RSBN1: variants seen among roughly 807,000 people sequenced by gnomAD.
RSBN1 encodes the protein round spermatid basic protein 1.
A neutral mutation model predicts 74.8 loss-of-function variants in RSBN1; 23 were observed. The observed-to-expected ratio is 0.31, with a 90% confidence interval of 0.22 to 0.44. RSBN1 has a LOEUF of 0.44. RSBN1 is among the 20% of genes least tolerant of loss of function. The pLI is 1.00. For synonymous variants in RSBN1, 407 were observed against 379.6 expected, an observed-to-expected ratio of 1.07 and a Z score of -0.84; for missense variants, 808 against 1,020.9, an observed-to-expected ratio of 0.79 and a Z score of 2.84.
intron 4 of RSBN1, among the ~76,000 whole-genome samples, chr1:113,771,496 A>T (rs1006503283): frequency 1.3e-5 from 2 of 151,910 alleles, no homozygotes; most frequent in African/African-American, 4.8e-5. Context: ...TCCAAAAGAT[A>T]TCCACATAAA....
chr1:113,801,275 G>A (rs1038438673), intron 1 of RSBN1, among the ~76,000 whole-genome samples: 3 of 152,132 alleles, frequency 2.0e-5, no homozygotes, highest in East Asian at 1.9e-4. Flanking sequence ...GAGCCACGAC[G>A]CCCGGCCTCA....
intron 2 of RSBN1, among the ~76,000 whole-genome samples, chr1:113,791,952 T>C (rs1054724658): frequency 5.3e-5 from 8 of 152,130 alleles, no homozygotes; most frequent in Admixed American, 5.2e-4. Flanking sequence ...AACAAGCCCA[T>C]ATAAGGCCTT....
At chr1:113,807,204 C>G (rs917459127) in intron 1 of RSBN1, among the ~76,000 whole-genome samples, 4 of 151,550 alleles carry the variant, frequency 2.6e-5, no homozygotes, top group African/African-American at 9.7e-5. Flanking sequence ...ATCACAGCTA[C>G]TCGGGAGGCT....
rs1659718596 is a variant in RSBN1, at chr1:113,763,394, C to G, written c.*2586G>C. The G allele has an allele frequency of 6.5e-6, 1 of 152,700 alleles. No homozygotes were observed. The highest frequency in any genetic ancestry group is 6.5e-5 in the Admixed American group (1 of 15,280). 9.5% of individuals were successfully genotyped at this position (152,700 alleles called of 1,614,324 possible). On this transcript the variant is annotated 3_prime_UTR_variant, in exon 7 of 7. Coordinates refer to ENST00000261441, the MANE Select transcript of RSBN1 (RefSeq NM_018364.5). ...TTCAGTTACAACTTCACTGCCATCA[C>G]TACTTTAACAAATCAGAAGACGCCA...
intron 1 of RSBN1, among the ~76,000 whole-genome samples, chr1:113,805,946 G>T (rs1044031048): frequency 6.6e-6 from 1 of 152,132 alleles, no homozygotes; most frequent in Non-Finnish European, 1.5e-5. Context: ...CAATATATAT[G>T]AATGAACAGA....
In RSBN1 at chr1:113,797,507, A is replaced by C; in HGVS notation, c.1233T>G (p.Ala411=). The change falls in exon 2 of 7, where the codon GCT becomes GCG. Residue 411 remains alanine (A), a synonymous_variant. Coordinates refer to ENST00000261441, the MANE Select transcript of RSBN1 (RefSeq NM_018364.5). ...SENEKNAAYY[A]LAIVHGAAAY... Reference sequence around the variant, plus strand: ...CAGCCGCTCCATGCACTATTGCTAAAGCATAGTAAGCAGCATTTTTCTCAT... The same window carrying C: ...CAGCCGCTCCATGCACTATTGCTAACGCATAGTAAGCAGCATTTTTCTCAT... The C allele has an allele frequency of 6.2e-7, 1 of 1,614,002 alleles. No individual in the cohort carries two copies. Among genetic ancestry groups the C allele is most frequent in the Non-Finnish European group, 8.5e-7 (1 of 1,179,960 alleles).
intron 2 of RSBN1, among the ~76,000 whole-genome samples, chr1:113,782,010 C>G (rs1008236462): frequency 6.6e-6 from 1 of 152,162 alleles, no homozygotes; most frequent in Non-Finnish European, 1.5e-5. Flanking sequence ...CTCCATATTA[C>G]CTGTAGCATC....
intron 1 of RSBN1, among the ~76,000 whole-genome samples, chr1:113,802,613 C>A (rs570907506): frequency 6.6e-6 from 1 of 152,028 alleles, no homozygotes; most frequent in Non-Finnish European, 1.5e-5. Context: ...GTTTTAAGAG[C>A]GCTGTCTAGG....
intron 1 of RSBN1, among the ~76,000 whole-genome samples, chr1:113,799,638 C>G (rs1379344809): frequency 6.7e-6 from 1 of 149,940 alleles, no homozygotes; most frequent in Non-Finnish European, 1.5e-5. Flanking sequence ...AAATATATAC[C>G]AAGCTATTAA....
At chr1:113,779,183 A>C (rs1660089357) in intron 2 of RSBN1, among the ~76,000 whole-genome samples, 1 of 152,230 alleles carries the variant, frequency 6.6e-6, no homozygotes, top group Non-Finnish European at 1.5e-5. Flanking sequence ...AACATTAAAA[A>C]AAATTTAAAG....
intron 2 of RSBN1, among the ~76,000 whole-genome samples, chr1:113,784,580 TG>T (rs1025671172): frequency 6.6e-6 from 1 of 152,156 alleles, no homozygotes; most frequent in African/African-American, 2.4e-5. Context: ...ATAAGAAGTG[TG>T]CAACCTAGAT....
chr1:113,784,663 AGGC>A (rs1244130358), intron 2 of RSBN1, among the ~76,000 whole-genome samples: 1 of 152,226 alleles, frequency 6.6e-6, no homozygotes, highest in Admixed American at 6.5e-5. Context: ...ATCTGACAGG[AGGC>A]GGAGCTCAAG....
intron 1 of RSBN1, among the ~76,000 whole-genome samples, chr1:113,799,206 A>G (rs969290838): frequency 6.6e-6 from 1 of 152,136 alleles, no homozygotes; most frequent in African/African-American, 2.4e-5. Context: ...CACAATCCCC[A>G]ATCTCTTGGA....
rs3211282 is a variant in RSBN1 at position 113,765,987 on chromosome 1, G to C, written c.2402C>G (p.Ser801Cys). The C allele has an allele frequency of 1.2e-6, 2 of 1,610,982 alleles. No individual in the cohort carries two copies. The highest frequency in any genetic ancestry group is 1.7e-6 in the Non-Finnish European group (2 of 1,177,384). ...TGTTTGAATATGTACATATCACACA[G>C]AAGTGGTTGAATGTTCTTGCAGATT... ...QHNLQEHSTTSV is the reference protein window; with the variant it reads ...QHNLQEHSTTCV Residue 801 changes from serine to cysteine, a missense_variant, in exon 7 of 7, where the codon TCT becomes TGT. Transcript: ENST00000261441.
At chr1:113,806,821 A>G (rs1252789151) in intron 1 of RSBN1, among the ~76,000 whole-genome samples, 2 of 139,826 alleles carry the variant, frequency 1.4e-5, no homozygotes, top group African/African-American at 5.3e-5. Context: ...GACAACACAG[A>G]GAGACCCTGC....
chr1:113,812,453 C>G lies in RSBN1; in HGVS notation c.-41G>C. On this transcript the variant is annotated 5_prime_UTR_variant, in exon 1 of 7. Coordinates refer to ENST00000261441, the MANE Select transcript of RSBN1 (RefSeq NM_018364.5). ...TCCCAGCTTTTCTCCGCAGGCCTCT[C>G]CAACCGAGCTTCTATTGTAAAGCAC... is the stretch of plus-strand genomic sequence containing the variant. 2 of 1,533,322 alleles carry G rather than the reference C, an allele frequency of 1.3e-6. No homozygotes were observed. Among genetic ancestry groups the G allele is most frequent in the Non-Finnish European group, 1.7e-6 (2 of 1,146,898 alleles). 95.0% of individuals were successfully genotyped at this position (1,533,322 alleles called of 1,614,324 possible).
At chr1:113,783,602 C>G (rs1660179098) in intron 2 of RSBN1, among the ~76,000 whole-genome samples, 1 of 152,202 alleles carries the variant, frequency 6.6e-6, no homozygotes, top group South Asian at 2.1e-4. Flanking sequence ...TCCCTGACAG[C>G]TAAATGCGGC....
intron 2 of RSBN1, among the ~76,000 whole-genome samples, chr1:113,779,835 A>G (rs1660101951): frequency 6.6e-6 from 1 of 151,810 alleles, no homozygotes; most frequent in African/African-American, 2.4e-5. Context: ...AGCCTGGCCG[A>G]GATGGTGAAA....
intron 4 of RSBN1, among the ~76,000 whole-genome samples, chr1:113,774,959 A>G (rs1659991816): frequency 6.6e-6 from 1 of 152,136 alleles, no homozygotes; most frequent in African/African-American, 2.4e-5. Context: ...CAAAGAATGG[A>G]TTTTGTAAAA....
Sources: allele counts gnomAD v4.1 joint callset (sites outside exome capture counted in the v4.1 genomes callset), GRCh38; gene constraint gnomAD v4.1.1; transcripts MANE v1.5; gene names NCBI Gene and HGNC (gene_info 2026-07-23, HGNC 2026-07-21).